The following SWT1 variants were observed in gnomAD, a reference collection of about 807,000 sequenced individuals.
SWT1 encodes the protein transcriptional protein SWT1.
SWT1 carries 33 observed loss-of-function variants against 107.3 expected under a neutral mutation model. The observed-to-expected ratio is 0.31, with a 90% CI of 0.23 to 0.41. SWT1 has a LOEUF of 0.41. SWT1 is among the 10% of genes least tolerant of loss of function. The pLI is 1.00. For missense variants in SWT1, 898 were observed against 1,028.9 expected (o/e 0.87, Z 1.74); for synonymous variants, 345 against 348.3 (o/e 0.99, Z 0.11).
intron 15 of SWT1, among the ~76,000 whole-genome samples, chr1:185,229,543 A>G (rs1660349125): frequency 6.6e-6 from 1 of 151,774 alleles, no homozygotes; most frequent in Non-Finnish European, 1.5e-5. Flanking sequence ...TATCTAGTAT[A>G]TAGTACTTTG....
chr1:185,243,088 C>G, intron 16 of SWT1, among the ~76,000 whole-genome samples: 1 of 152,122 alleles, frequency 6.6e-6, no homozygotes, highest in South Asian at 2.1e-4. Flanking sequence ...ACCCTATACT[C>G]TAGGATACAT....
chr1:185,225,351 G>A (rs1467335067), intron 15 of SWT1, among the ~76,000 whole-genome samples: 2 of 152,024 alleles, frequency 1.3e-5, no homozygotes, highest in Admixed American at 6.6e-5. Context: ...CCTGTTTATC[G>A]AGGATATTGG....
chr1:185,243,301 G>A lies in SWT1; in HGVS notation c.2441+11593G>A, dbSNP rs75938331. Among the ~76,000 whole-genome samples the A allele has an allele frequency of 5.5e-3, 843 of 152,126 alleles. 35 individuals are homozygous for A. The East Asian group carries it at 0.094, about 17-fold the overall frequency. ...TTTTTTGTACTTTTTGTAGGGACAG[G>A]GTTTCTTCATGTTGCCCAGGCTGGT... is the stretch of plus-strand genomic sequence containing the variant. On this transcript the variant is annotated intron_variant, in intron 16 of 18. Coordinates refer to ENST00000367500, the MANE Select transcript of SWT1 (RefSeq NM_017673.7).
chr1:185,226,175 A>G (rs562010311), intron 15 of SWT1, among the ~76,000 whole-genome samples: 6 of 152,190 alleles, frequency 3.9e-5, no homozygotes, highest in Non-Finnish European at 4.4e-5. Context: ...GTTCACCTAT[A>G]ATGTACATGC....
intron 7 of SWT1, among the ~76,000 whole-genome samples, chr1:185,182,572 G>A (rs1397763777): frequency 6.6e-6 from 1 of 151,282 alleles, no homozygotes; most frequent in Non-Finnish European, 1.5e-5. Flanking sequence ...GGCTGAGGTG[G>A]GAGGATTGCT....
chr1:185,290,537 C>G, intron 18 of SWT1, 137 bp from the exon 19 acceptor site: 1 of 455,258 alleles, frequency 2.2e-6, no homozygotes, highest in East Asian at 4.3e-5. Context: ...CAATATATAC[C>G]TAGTTCAGAA....
intron 18 of SWT1, among the ~76,000 whole-genome samples, chr1:185,282,859 A>G (rs1422022540): frequency 6.6e-6 from 1 of 152,134 alleles, no homozygotes; most frequent in Non-Finnish European, 1.5e-5. Context: ...ATATGAGAGT[A>G]TAGTAGGAAA....
At position 185,166,624 on chromosome 1, in the gene SWT1, G is replaced by A; in HGVS notation, c.137G>A (p.Arg46Lys). The A allele has an allele frequency of 6.2e-7, 1 of 1,604,276 alleles. No homozygotes were observed. Among genetic ancestry groups the A allele is most frequent in the Non-Finnish European group, 8.5e-7 (1 of 1,173,350 alleles). Residue 46 changes from arginine to lysine, a missense_variant, in exon 3 of 19, where the codon AGA becomes AAA. This residue lies in a region of SWT1 where 382 missense variants were observed against 362.4 expected (regional missense o/e 1.05). Transcript: ENST00000367500. ...AGTTCTACTAGTTCATCTTCTATAA[G>A]ATCAGTTTCATCAGAAAAGAGAAAA... ...PASSTSSSSI[R>K]SVSSEKRKLK... is the part of the protein sequence containing the mutation.
intron 9 of SWT1, among the ~76,000 whole-genome samples, chr1:185,186,103 G>A (rs938999436): frequency 3.9e-5 from 6 of 152,140 alleles, no homozygotes; most frequent in Admixed American, 1.3e-4. Context: ...TAAATTCCAC[G>A]TCATAAAATG....
chr1:185,221,397 A>G (rs1659646419), intron 14 of SWT1, among the ~76,000 whole-genome samples: 1 of 151,994 alleles, frequency 6.6e-6, no homozygotes, highest in Non-Finnish European at 1.5e-5. Context: ...AGAAACCTTC[A>G]GTGGTTCACC....
intron 18 of SWT1, chr1:185,281,364 T>G (rs1664605049): frequency 4.2e-6 from 1 of 236,700 alleles, no homozygotes; most frequent in Non-Finnish European, 8.6e-6. Flanking sequence ...AGCATGTGAC[T>G]GTGAAACTGG....
chr1:185,229,237 G>A (rs954400251), intron 15 of SWT1, among the ~76,000 whole-genome samples: 3 of 152,076 alleles, frequency 2.0e-5, no homozygotes, highest in African/African-American at 4.8e-5. Flanking sequence ...GGCAGTTGTG[G>A]GAGAGATGAT....
intron 2 of SWT1, among the ~76,000 whole-genome samples, chr1:185,165,515 T>C (rs1245275126): frequency 6.6e-6 from 1 of 152,224 alleles, no homozygotes; most frequent in African/African-American, 2.4e-5. Context: ...CCTAAATTAT[T>C]GTAATAGTTT....
Position 185,202,933 on chromosome 1 carries a change from T to TA in SWT1, c.1669+136dup, listed in dbSNP as rs1658003531. On this transcript the variant is annotated intron_variant, in intron 11 of 18. Coordinates refer to ENST00000367500, the MANE Select transcript of SWT1 (RefSeq NM_017673.7). ...ATCGTTTGGAATACTTGCTGGCATG[T>TA]AAGTCATTGAATAAATGGAAGTTAT... The TA allele has an allele frequency of 8.7e-6, 4 of 462,022 alleles. No homozygotes were observed. In the East Asian group the frequency reaches 1.5e-4, roughly 17 times the overall value. The allele number at this position is 462,022 out of a possible 1,614,324, so 28.6% of individuals were successfully genotyped here. A position where few individuals can be genotyped will look rare whatever the true frequency, so the allele number is the denominator to read the frequency against.
intron 5 of SWT1, among the ~76,000 whole-genome samples, chr1:185,179,500 A>T (rs939232985): frequency 6.6e-6 from 1 of 152,328 alleles, no homozygotes; most frequent in Middle Eastern, 3.4e-3. Context: ...TGAAGACAAA[A>T]TATAAAACAG....
In SWT1 at chr1:185,187,248, T is replaced by G. The variant is rs183885649; in HGVS notation, c.1429+2317T>G. Among the ~76,000 whole-genome samples the G allele has an allele frequency of 5.7e-3, 861 of 151,516 alleles. 31 individuals are homozygous for G. The East Asian group carries it at 0.093, about 16-fold the overall frequency. On this transcript the variant is annotated intron_variant, in intron 9 of 18. Transcript: ENST00000367500. ...CTGATTTTTGTATTTTTAGTAGAGA[T>G]GGGGTTTTGTCATGTTGGCCAGGCT...
chr1:185,225,228 T>A (rs1659960096), intron 15 of SWT1, among the ~76,000 whole-genome samples: 1 of 152,184 alleles, frequency 6.6e-6, no homozygotes, highest in African/African-American at 2.4e-5. Flanking sequence ...ATTTATTGAT[T>A]TGTGTATTTT....
chr1:185,271,285 C>T (rs752888216), intron 16 of SWT1, 38 bp from the exon 17 acceptor site: 4 of 1,113,610 alleles, frequency 3.6e-6, no homozygotes. Context: ...TTTCTGAAAT[C>T]ATTTATTCCC....
At chr1:185,177,201 A>G (rs905775921) in intron 5 of SWT1, among the ~76,000 whole-genome samples, 3 of 152,316 alleles carry the variant, frequency 2.0e-5, no homozygotes, top group Admixed American at 1.3e-4. Flanking sequence ...TTCTTGTGTT[A>G]TAACCATTTC....
Sources: gnomAD v4.1 joint callset for allele counts (sites outside exome capture counted in the v4.1 genomes callset) on GRCh38, gnomAD v4.1.1 for gene constraint, gnomAD v4.1.1 regional missense constraint, MANE v1.5 for transcripts, NCBI Gene and HGNC (gene_info 2026-07-23, HGNC 2026-07-21) for gene names.